OR6C74: variants seen among roughly 807,000 people sequenced by gnomAD.
OR6C74 encodes the protein olfactory receptor 6C74.
For missense variants in OR6C74, 361 were observed against 362.9 expected (o/e 0.99, Z 0.04); for synonymous variants, 142 against 134.2 (o/e 1.06, Z -0.40).
At position 55,254,949 on chromosome 12, in the gene OR6C74, T is replaced by C. The variant is rs980189106; in HGVS notation, c.*6723T>C. On this transcript the variant is annotated 3_prime_UTR_variant, in exon 2 of 2. Coordinates refer to ENST00000343399, the MANE Select transcript of OR6C74 (RefSeq NM_001005490.2). ...TAGTACCAAATATATCAGTTATCACTGTTAGGTTGCAATTCTCCATGGCAT... is the reference window on the plus strand; with the variant it reads ...TAGTACCAAATATATCAGTTATCACCGTTAGGTTGCAATTCTCCATGGCAT... Among the ~76,000 whole-genome samples the C allele has an allele frequency of 1.3e-5, 2 of 152,150 alleles. No individual in the cohort carries two copies. Among genetic ancestry groups the C allele is most frequent in the African/African-American group, 4.8e-5 (2 of 41,452 alleles).
Position 55,255,337 on chromosome 12 carries a change from T to C in OR6C74, c.*7111T>C, listed in dbSNP as rs569452940. Among the ~76,000 whole-genome samples the C allele has an allele frequency of 6.6e-6, 1 of 152,242 alleles. No homozygotes were observed. Among genetic ancestry groups the C allele is most frequent in the East Asian group, 1.9e-4 (1 of 5,162 alleles). ...TGGAGAAGTAGGAACACTTTTACACTGTTGGTGGGAGTATAAATTAGTTCA... is the reference window on the plus strand; with the variant it reads ...TGGAGAAGTAGGAACACTTTTACACCGTTGGTGGGAGTATAAATTAGTTCA... On this transcript the variant is annotated 3_prime_UTR_variant, in exon 2 of 2. Transcript: ENST00000343399.
In OR6C74 at chr12:55,254,691, T is replaced by C. The variant is rs1301759714; in HGVS notation, c.*6465T>C. 2.1e-5 allele frequency among the ~76,000 whole-genome samples: 3 copies of C among 141,930 alleles called. No individual in the cohort carries two copies. The allele number at this position is 141,930 out of a possible 152,430, so 93.1% of individuals were successfully genotyped here. On this transcript the variant is annotated 3_prime_UTR_variant, in exon 2 of 2. Transcript: ENST00000343399. ...TGGATCTTACCATGTTATAGCCTTATAGCATGTGCAGTACTTGTATTTCAC... is the reference window on the plus strand; with the variant it reads ...TGGATCTTACCATGTTATAGCCTTACAGCATGTGCAGTACTTGTATTTCAC...
chr12:55,252,352 G>T lies in OR6C74; in HGVS notation c.*4126G>T, dbSNP rs1954316702. 6.6e-6 allele frequency among the ~76,000 whole-genome samples: 1 copy of T among 151,050 alleles called. No individual in the cohort carries two copies. The highest frequency in any genetic ancestry group is 6.6e-5 in the Admixed American group (1 of 15,148). On this transcript the variant is annotated 3_prime_UTR_variant, in exon 2 of 2. Transcript: ENST00000343399. ...AAAGTTAATGCTTCACAATAATGTG[G>T]ATCCATTTTAAATGAACTGGAAATC...
rs753595221 is a variant in OR6C74 at position 55,244,611 on chromosome 12, C to T, written c.-216C>T. On this transcript the variant is annotated 5_prime_UTR_variant, in exon 1 of 2. Transcript: ENST00000343399. Reference sequence around the variant, plus strand: ...AAAAACTATAAGCTATCGTATTCCTCGTATAGACTAGAAACACCTCAGCGT... The same window carrying T: ...AAAAACTATAAGCTATCGTATTCCTTGTATAGACTAGAAACACCTCAGCGT... Among the ~76,000 whole-genome samples, 3 of 152,038 alleles carry T rather than the reference C, an allele frequency of 2.0e-5. No homozygotes were observed. Among genetic ancestry groups the T allele is most frequent in the African/African-American group, 7.2e-5 (3 of 41,420 alleles).
chr12:55,247,353 G>A lies in OR6C74; in HGVS notation c.66G>A (p.Gln22=). ...LLGLTDDPQL[Q]VIIFLLLFFT... is the part of the protein sequence containing the mutation. ...GACTGACAGATGATCCACAATTACA[G>A]GTGATTATTTTTCTTCTCCTTTTTT... Residue 22 remains glutamine (Q), a synonymous_variant, in exon 2 of 2, where the codon CAG becomes CAA. Transcript: ENST00000343399. 6.2e-7 allele frequency: 1 copy of A among 1,612,566 alleles called. No homozygotes were observed. The highest frequency in any genetic ancestry group is 8.5e-7 in the Non-Finnish European group (1 of 1,178,762).
intron 1 of OR6C74, 82 bp from the exon 2 acceptor site, chr12:55,247,197 A>T: frequency 1.4e-6 from 1 of 739,022 alleles, no homozygotes; most frequent in Non-Finnish European, 2.2e-6. Flanking sequence ...CAATGTCTTT[A>T]TGGTGGATTT....
rs12579523 is a variant in OR6C74 at position 55,253,131 on chromosome 12, A to G, written c.*4905A>G. On this transcript the variant is annotated 3_prime_UTR_variant, in exon 2 of 2. Transcript: ENST00000343399. ...ACCATTTTATTTGCAGGTTGTGCCA[A>G]TAAATTCTTGTATTATCTATTAATC... 1.0e-2 allele frequency among the ~76,000 whole-genome samples: 1,518 copies of G among 152,194 alleles called. 29 individuals are homozygous for G. Among genetic ancestry groups the G allele is most frequent in the East Asian group, 0.037 (192 of 5,174 alleles).
In OR6C74 at chr12:55,247,555, A is replaced by G; in HGVS notation, c.268A>G (p.Ile90Val). Residue 90 changes from isoleucine to valine, a missense_variant, in exon 2 of 2, where the codon ATT becomes GTT. Physicochemically the swap from Ile to Val is conservative, Grantham distance 29. Coordinates refer to ENST00000343399, the MANE Select transcript of OR6C74 (RefSeq NM_001005490.2). ...TAGTATGGCAACAGGTGATAAGACC[A>G]TTTCTTACAACGATTGTGCAGCACA... ...LVSMATGDKT[I>V]SYNDCAAQLF... 1.2e-6 allele frequency: 2 copies of G among 1,613,272 alleles called. No individual in the cohort carries two copies. Among genetic ancestry groups the G allele is most frequent in the South Asian group, 1.1e-5 (1 of 90,882 alleles).
rs946618693 is a variant in OR6C74, at chr12:55,253,471, C to T, written c.*5245C>T. On this transcript the variant is annotated 3_prime_UTR_variant, in exon 2 of 2. Transcript: ENST00000343399. ...TTTATTATCTCTTAGTGAGGGAGAC[C>T]ATATGGTTTTCCACTTGGCCCTGAA... Among the ~76,000 whole-genome samples, 2 of 151,982 alleles carry T rather than the reference C, an allele frequency of 1.3e-5. No individual in the cohort carries two copies. Among genetic ancestry groups the T allele is most frequent in the East Asian group, 3.9e-4 (2 of 5,174 alleles).
chr12:55,246,498 G>T (rs1954270818), intron 1 of OR6C74, among the ~76,000 whole-genome samples: 1 of 152,140 alleles, frequency 6.6e-6, no homozygotes, highest in Admixed American at 6.5e-5. Context: ...GGGATTACAG[G>T]CACAAGCCAC....
At position 55,251,244 on chromosome 12, in the gene OR6C74, CAGTTAA is replaced by C. The variant is rs1234278504; in HGVS notation, c.*3025_*3030del. On this transcript the variant is annotated 3_prime_UTR_variant, in exon 2 of 2. Coordinates refer to ENST00000343399, the MANE Select transcript of OR6C74 (RefSeq NM_001005490.2). ...CTCTGTTAGCTTGCAAAACTTCAAT[CAGTTAA>C]AGTTAATTAACATGGAGACTTCTGT... 6.6e-6 allele frequency among the ~76,000 whole-genome samples: 1 copy of C among 152,056 alleles called. No individual in the cohort carries two copies. Among genetic ancestry groups the C allele is most frequent in the African/African-American group, 2.4e-5 (1 of 41,444 alleles).
chr12:55,255,838 T>TTTATC lies in OR6C74; in HGVS notation c.*7613_*7614insTATCT, dbSNP rs1954340487. Among the ~76,000 whole-genome samples the TTTATC allele has an allele frequency of 6.6e-6, 1 of 152,132 alleles. No individual in the cohort carries two copies. The highest frequency in any genetic ancestry group is 1.9e-4 in the East Asian group (1 of 5,190). ...ATTATTTAATTTCATTTATATAATA[T>TTTATC]TCTGGTAGAGATAAATTTATAGAGA... On this transcript the variant is annotated 3_prime_UTR_variant, in exon 2 of 2. Coordinates refer to ENST00000343399, the MANE Select transcript of OR6C74 (RefSeq NM_001005490.2).
rs574642779 is a variant in OR6C74, at chr12:55,248,905, A to C, written c.*679A>C. ...ATTAAATTTATTAGTTCCATCTTCA[A>C]AACTCTGTAAGACAGGTATTTATAT... On this transcript the variant is annotated 3_prime_UTR_variant, in exon 2 of 2. Transcript: ENST00000343399. Among the ~76,000 whole-genome samples the C allele has an allele frequency of 1.3e-5, 2 of 152,330 alleles. No individual in the cohort carries two copies. The highest frequency in any genetic ancestry group is 4.1e-4 in the South Asian group (2 of 4,832).
Position 55,250,222 on chromosome 12 carries a change from AT to A in OR6C74, c.*1999del, listed in dbSNP as rs1266470959. On this transcript the variant is annotated 3_prime_UTR_variant, in exon 2 of 2. Coordinates refer to ENST00000343399, the MANE Select transcript of OR6C74 (RefSeq NM_001005490.2). ...CAAATATGTAACATATTTATTTTAT[AT>A]TTCTAAGTATTACATTGCTTACTTT... Among the ~76,000 whole-genome samples, 1 of 152,122 alleles carries A rather than the reference AT, an allele frequency of 6.6e-6. No individual in the cohort carries two copies. Among genetic ancestry groups the A allele is most frequent in the Non-Finnish European group, 1.5e-5 (1 of 67,990 alleles).
At chr12:55,246,757 G>A (rs1954272535) in intron 1 of OR6C74, among the ~76,000 whole-genome samples, 1 of 152,006 alleles carries the variant, frequency 6.6e-6, no homozygotes, top group Non-Finnish European at 1.5e-5. Flanking sequence ...GTTTGGTGAG[G>A]GTATTGAATT....
rs896582161 is a variant in OR6C74 at position 55,251,164 on chromosome 12, T to A, written c.*2938T>A. ...TGTAACCACACTAAACAACTAAGTA[T>A]ATTGCAAAACTTGTGTGCTGTCACG... On this transcript the variant is annotated 3_prime_UTR_variant, in exon 2 of 2. Coordinates refer to ENST00000343399, the MANE Select transcript of OR6C74 (RefSeq NM_001005490.2). Among the ~76,000 whole-genome samples the A allele has an allele frequency of 1.1e-4, 17 of 152,104 alleles. No individual in the cohort carries two copies. Among genetic ancestry groups the A allele is most frequent in the Non-Finnish European group, 2.5e-4 (17 of 67,980 alleles).
Position 55,253,157 on chromosome 12 carries a change from C to T in OR6C74, c.*4931C>T, listed in dbSNP as rs1191221708. On this transcript the variant is annotated 3_prime_UTR_variant, in exon 2 of 2. Transcript: ENST00000343399. ...TAAATTCTTGTATTATCTATTAATC[C>T]ATAAACATTCATTCCCAAAATCAAT... Among the ~76,000 whole-genome samples the T allele has an allele frequency of 1.3e-5, 2 of 151,960 alleles. No individual in the cohort carries two copies. The highest frequency in any genetic ancestry group is 2.9e-5 in the Non-Finnish European group (2 of 67,932).
chr12:55,247,627 G>C lies in OR6C74; in HGVS notation c.340G>C (p.Ala114Pro), dbSNP rs779597307. 6 of 1,613,396 alleles carry C rather than the reference G, an allele frequency of 3.7e-6. No homozygotes were observed. In the African/African-American group the frequency reaches 8.0e-5, roughly 22 times the overall value. Residue 114 changes from alanine to proline, a missense_variant, in exon 2 of 2, where the codon GCT (alanine) becomes CCT (proline). Transcript: ENST00000343399. ...LLGATEFFLL[A>P]AMSYERYVAI... is the part of the protein sequence containing the mutation. ...GGGGGCAACTGAATTTTTTCTTCTG[G>C]CTGCCATGTCCTATGAGCGCTATGT...
rs373700943 is a variant in OR6C74 at position 55,255,300 on chromosome 12, T to C, written c.*7074T>C. ...AAAGGGAACGAGGAAACAACAGATG[T>C]TGGTGAGGATGTGGAGAAGTAGGAA... On this transcript the variant is annotated 3_prime_UTR_variant, in exon 2 of 2. Transcript: ENST00000343399. Among the ~76,000 whole-genome samples the C allele has an allele frequency of 1.5e-3, 233 of 152,180 alleles. No homozygotes were observed. Among genetic ancestry groups the C allele is most frequent in the African/African-American group, 5.1e-3 (214 of 41,558 alleles).
Sources: allele counts gnomAD v4.1 joint callset (sites outside exome capture counted in the v4.1 genomes callset), GRCh38; gene constraint gnomAD v4.1.1; transcripts MANE v1.5; gene names NCBI Gene and HGNC (gene_info 2026-07-23, HGNC 2026-07-21).